The following IPPK variants were observed in gnomAD, a reference collection of about 807,000 sequenced individuals.
IPPK encodes the protein IPK1 homolog.
In IPPK, 22 loss-of-function variants were observed where a neutral mutation model predicts 64.6. The ratio of observed to expected loss-of-function variants is 0.34; its 90% confidence interval spans 0.24 to 0.49. The LOEUF (loss-of-function observed/expected upper bound fraction) is 0.49. Ranked by LOEUF, IPPK falls within the 20% of genes least tolerant of loss-of-function variation. The pLI is 0.99. For synonymous variants in IPPK, 262 were observed against 247.2 expected, an observed-to-expected ratio of 1.06 and a Z score of -0.56; for missense variants, 532 against 630.7, an observed-to-expected ratio of 0.84 and a Z score of 1.68.
intron 11 of IPPK, 58 bp downstream of exon 11, chr9:92,634,328 C>A: frequency 8.3e-7 from 1 of 1,206,014 alleles, no homozygotes; most frequent in Non-Finnish European, 1.2e-6. Flanking sequence ...AACAAAAAAA[C>A]AGATTAGTGC....
intron 11 of IPPK, among the ~76,000 whole-genome samples, chr9:92,627,707 C>G (rs1010651315): frequency 6.6e-6 from 1 of 152,192 alleles, no homozygotes; most frequent in Non-Finnish European, 1.5e-5. Context: ...CTTCTTCAAT[C>G]TGATAAAGGA....
intron 11 of IPPK, among the ~76,000 whole-genome samples, chr9:92,627,060 C>A (rs1851747865): frequency 1.3e-5 from 2 of 151,998 alleles, no homozygotes; most frequent in African/African-American, 4.8e-5. Flanking sequence ...AAAGAATATT[C>A]TTCAAGAAGA....
At chr9:92,657,962 G>T (rs1240930991) in intron 2 of IPPK, among the ~76,000 whole-genome samples, 1 of 152,112 alleles carries the variant, frequency 6.6e-6, no homozygotes, top group Non-Finnish European at 1.5e-5. Context: ...TGCTCCCACA[G>T]TGGAACAGCC....
In IPPK at chr9:92,635,250, G is replaced by T; in HGVS notation, c.975C>A (p.Leu325=). Residue 325 remains leucine (L), a synonymous_variant, in exon 10 of 13, where the codon CTC becomes CTA. Coordinates refer to ENST00000287996, the MANE Select transcript of IPPK (RefSeq NM_022755.6). The surrounding 1 kb of genome is among the most constrained non-coding windows in gnomAD (Gnocchi z 4.4). The part of the protein sequence containing the change: ...LPKGCLLYKT[L]QVQMLDLLDI... Reference sequence around the variant, plus strand: ...CCAGCAGGTCCAACATCTGCACCTGGAGGGTTTTGTACAGAAGACAGCCCT... The same window carrying T: ...CCAGCAGGTCCAACATCTGCACCTGTAGGGTTTTGTACAGAAGACAGCCCT... 6.2e-7 allele frequency: 1 copy of T among 1,614,188 alleles called. No homozygotes were observed. Among genetic ancestry groups the T allele is most frequent in the Non-Finnish European group, 8.5e-7 (1 of 1,180,018 alleles).
chr9:92,649,720 G>A, intron 4 of IPPK, 146 bp from the exon 5 acceptor site: 6 of 982,422 alleles, frequency 6.1e-6, no homozygotes. Flanking sequence ...GGGATTGTGG[G>A]ACACACACAG....
At chr9:92,646,271 T>C (rs1379202376) in intron 6 of IPPK, among the ~76,000 whole-genome samples, 3 of 152,186 alleles carry the variant, frequency 2.0e-5, no homozygotes, top group African/African-American at 7.2e-5. Context: ...ATGAACCAAC[T>C]AGACCGAACA....
At chr9:92,663,830 C>A (rs1052558633) in intron 1 of IPPK, among the ~76,000 whole-genome samples, 10 of 152,258 alleles carry the variant, frequency 6.6e-5, no homozygotes, top group African/African-American at 2.4e-4. Flanking sequence ...AAGGTCAAGT[C>A]TTCCATCAGG....
rs561640080 is a variant in IPPK, at chr9:92,637,893, C to A, written c.916+108G>T. On this transcript the variant is annotated intron_variant, in intron 9 of 12. Transcript: ENST00000287996. ...GCCCTGGCGTAACCAGGTGGCATCC[C>A]CCAGAGCCCCCAGGAGGCTGTGCTG... 1.2e-5 allele frequency: 15 copies of A among 1,243,162 alleles called. No individual in the cohort carries two copies. In the Admixed American group the frequency reaches 3.9e-4, roughly 32 times the overall value. The allele number at this position is 1,243,162 out of a possible 1,614,324, so 77.0% of individuals were successfully genotyped here.
chr9:92,669,198 A>G (rs1852671288), intron 1 of IPPK, among the ~76,000 whole-genome samples: 1 of 150,602 alleles, frequency 6.6e-6, no homozygotes. Context: ...AGCCGGCCAC[A>G]TTCCTGCGTG....
intron 4 of IPPK, 73 bp from the exon 5 acceptor site, chr9:92,649,647 C>T: frequency 2.5e-6 from 4 of 1,569,134 alleles, no homozygotes; most frequent in African/African-American, 1.4e-5. Flanking sequence ...CCAAAACAGG[C>T]CCCGCCTTGT....
At position 92,663,582 on chromosome 9, in the gene IPPK, A is replaced by C. The variant is rs898158764; in HGVS notation, c.82-4901T>G. Among the ~76,000 whole-genome samples, 5 of 152,244 alleles carry C rather than the reference A, an allele frequency of 3.3e-5. No individual in the cohort carries two copies. The South Asian group carries it at 6.2e-4, about 19-fold the overall frequency. ...GATATTCTATATTTTCAGAGAGAAG[A>C]AGCAACAATTGGTGTTAAATAAAAA... On this transcript the variant is annotated intron_variant, in intron 1 of 12. Transcript: ENST00000287996.
At chr9:92,622,153 A>G (rs1185983220) in intron 11 of IPPK, among the ~76,000 whole-genome samples, 2 of 152,248 alleles carry the variant, frequency 1.3e-5, no homozygotes, top group Non-Finnish European at 2.9e-5. Context: ...TCCTCTTAAT[A>G]AATCAGGAAA....
intron 11 of IPPK, among the ~76,000 whole-genome samples, chr9:92,621,457 G>C (rs1851625867): frequency 6.8e-6 from 1 of 147,584 alleles, no homozygotes; most frequent in Non-Finnish European, 1.5e-5. Context: ...GGGCCTAGCT[G>C]ATTTCACAGC....
chr9:92,635,385 C>T lies in IPPK; in HGVS notation c.917-77G>A. 6.8e-7 allele frequency: 1 copy of T among 1,470,758 alleles called. No individual in the cohort carries two copies. Among genetic ancestry groups the T allele is most frequent in the Middle Eastern group, 1.8e-4 (1 of 5,548 alleles). 91.1% of individuals were successfully genotyped at this position (1,470,758 alleles called of 1,614,324 possible). On this transcript the variant is annotated intron_variant, in intron 9 of 12. Transcript: ENST00000287996. The surrounding 1 kb of genome is among the most constrained non-coding windows in gnomAD (Gnocchi z 4.4). ...GGAGGGAGACACAGGCCGGCGCAGA[C>T]CGCAGGGCTCATCCTGGGCTCCGCC...
At chr9:92,621,888 G>A (rs1284366534) in intron 11 of IPPK, among the ~76,000 whole-genome samples, 2 of 152,092 alleles carry the variant, frequency 1.3e-5, no homozygotes, top group African/African-American at 4.8e-5. Flanking sequence ...TTACGGGCAG[G>A]TCTAGGCCTC....
At chr9:92,631,990 G>A (rs941655227) in intron 11 of IPPK, among the ~76,000 whole-genome samples, 1 of 152,218 alleles carries the variant, frequency 6.6e-6, no homozygotes, top group Non-Finnish European at 1.5e-5. Flanking sequence ...GACCTCTGGA[G>A]ATTGGTTTTC....
At chr9:92,617,297 A>G (rs1358607934) in intron 12 of IPPK, 1 of 152,228 alleles carries the variant, frequency 6.6e-6, no homozygotes, top group Non-Finnish European at 1.5e-5. Context: ...TCCCCAGCCC[A>G]TGACTAGGGT....
At chr9:92,652,504 TCATTTCAAACA>T in intron 4 of IPPK, 58 bp downstream of exon 4, 2 of 685,594 alleles carry the variant, frequency 2.9e-6, no homozygotes, top group Non-Finnish European at 4.9e-6. Flanking sequence ...ACATGGGTAA[TCATTTCAAACA>T]CTTTTCAAAT....
intron 9 of IPPK, among the ~76,000 whole-genome samples, chr9:92,637,693 G>C (rs1851967425): frequency 6.6e-6 from 1 of 152,200 alleles, no homozygotes; most frequent in South Asian, 2.1e-4. Flanking sequence ...GATCCAACAG[G>C]ATATATAACA....
Sources: allele counts gnomAD v4.1 joint callset (sites outside exome capture counted in the v4.1 genomes callset), GRCh38; gene constraint gnomAD v4.1.1; non-coding constraint Gnocchi (gnomAD v3.1); transcripts MANE v1.5; gene names NCBI Gene and HGNC (gene_info 2026-07-23, HGNC 2026-07-21).